ASB5: variants seen among roughly 807,000 people sequenced by gnomAD.
The protein encoded by ASB5 is ankyrin repeat and SOCS box containing 5, also known as ankyrin repeat and SOCS box protein 5.
In ASB5, 45 loss-of-function variants were observed where a neutral mutation model predicts 42.1. The ratio of observed to expected loss-of-function variants is 1.07; its 90% CI spans 0.84 to 1.37. ASB5 has a LOEUF of 1.37. ASB5 is among the 40% of genes most tolerant of loss of function. The pLI is 0.00. For synonymous variants in ASB5, 147 were observed against 150.6 expected (o/e 0.98, Z 0.18); for missense variants, 402 against 399.8 (o/e 1.01, Z -0.05).
At chr4:176,241,718 T>A in intron 1 of ASB5, 1 of 1,241,028 alleles carries the variant, frequency 8.1e-7, no homozygotes, top group Non-Finnish European at 1.0e-6. Context: ...CATAAGCATC[T>A]TGGAAAAAAA....
intron 1 of ASB5, among the ~76,000 whole-genome samples, chr4:176,232,719 G>A (rs1753581002): frequency 6.6e-6 from 1 of 152,154 alleles, no homozygotes; most frequent in South Asian, 2.1e-4. Context: ...GGTTTCAAGG[G>A]AAATAATGTC....
intron 5 of ASB5, among the ~76,000 whole-genome samples, chr4:176,218,170 T>C (rs1251922792): frequency 3.2e-5 from 3 of 92,702 alleles, no homozygotes; most frequent in African/African-American, 1.0e-4. Context: ...ATTTGTATGA[T>C]ATATAAATAT....
intron 5 of ASB5, among the ~76,000 whole-genome samples, chr4:176,220,745 G>A (rs1403875127): frequency 3.3e-5 from 5 of 152,180 alleles, no homozygotes; most frequent in Admixed American, 2.0e-4. Context: ...AGCAGAAGAC[G>A]AGGTTGTCCA....
chr4:176,272,528 A>T (rs1754487682), upstream of ASB5, among the ~76,000 whole-genome samples: 1 of 152,148 alleles, frequency 6.6e-6, no homozygotes, highest in Non-Finnish European at 1.5e-5. Flanking sequence ...TCACCTTTTT[A>T]GGAACTGCCT....
intron 1 of ASB5, among the ~76,000 whole-genome samples, chr4:176,258,453 A>C (rs1043358629): frequency 2.6e-5 from 4 of 152,198 alleles, no homozygotes; most frequent in Admixed American, 2.6e-4. Context: ...TATCCAAAGC[A>C]GTGTTTTTCC....
Position 176,269,083 on chromosome 4 carries a change from G to T in ASB5, c.26C>A (p.Pro9Gln). Residue 9 changes from proline to glutamine, a missense_variant, in exon 1 of 7, where the codon CCG (proline) becomes CAG (glutamine). Transcript: ENST00000296525. MSVLEENRPFAQQLSNVYF... is the reference protein window; with the variant it reads MSVLEENRQFAQQLSNVYF... ...GACATTGGATAATTGTTGAGCAAAC[G>T]GCCGATTTTCTTCTAACACCGACAT... 1.2e-6 allele frequency: 2 copies of T among 1,609,900 alleles called. No homozygotes were observed. Among genetic ancestry groups the T allele is most frequent in the South Asian group, 1.1e-5 (1 of 90,490 alleles).
chr4:176,229,295 C>T (rs141403262), intron 1 of ASB5, among the ~76,000 whole-genome samples: 13 of 152,228 alleles, frequency 8.5e-5, no homozygotes, highest in South Asian at 2.1e-4. Context: ...GGCCTAGAGA[C>T]GTGGCCTTTG....
intron 1 of ASB5, among the ~76,000 whole-genome samples, chr4:176,229,397 A>G (rs960438889): frequency 1.3e-5 from 2 of 152,142 alleles, no homozygotes; most frequent in African/African-American, 4.8e-5. Flanking sequence ...AGGGTACTTG[A>G]TATTCCTTCC....
In ASB5 at chr4:176,215,354, A is replaced by C; in HGVS notation, c.*246T>G. 1 of 271,460 alleles carries C rather than the reference A, an allele frequency of 3.7e-6. No homozygotes were observed. Among genetic ancestry groups the C allele is most frequent in the Non-Finnish European group, 6.7e-6 (1 of 148,666 alleles). 16.8% of individuals were successfully genotyped at this position (271,460 alleles called of 1,614,324 possible). A position where few individuals can be genotyped will look rare whatever the true frequency, so the allele number is the denominator to read the frequency against. On this transcript the variant is annotated 3_prime_UTR_variant, in exon 7 of 7. Transcript: ENST00000296525. ...TAGTGACTTTATTATTTTTTCCTGAATAAACAGGAGGGTATATTGAAATAA... is the reference window on the plus strand; with the variant it reads ...TAGTGACTTTATTATTTTTTCCTGACTAAACAGGAGGGTATATTGAAATAA...
intron 1 of ASB5, among the ~76,000 whole-genome samples, chr4:176,276,305 C>T (rs1055665462): frequency 2.0e-5 from 3 of 152,170 alleles, no homozygotes; most frequent in East Asian, 1.9e-4. Context: ...GCATGCCAGG[C>T]ACTGAAATTT....
chr4:176,273,517 T>C (rs1462223336), upstream of ASB5, among the ~76,000 whole-genome samples: 1 of 152,242 alleles, frequency 6.6e-6, no homozygotes, highest in African/African-American at 2.4e-5. Context: ...CTTGCCATAC[T>C]ACCAGTATGA....
chr4:176,239,706 G>A (rs1343627496), intron 1 of ASB5, among the ~76,000 whole-genome samples: 1 of 152,108 alleles, frequency 6.6e-6, no homozygotes, highest in Non-Finnish European at 1.5e-5. Context: ...AAGGCTTTCT[G>A]TAGTCCTCGA....
chr4:176,219,024 AATATATATTTGTATGATATATAAAT>A (rs1386342657), intron 5 of ASB5, among the ~76,000 whole-genome samples: 1,010 of 24,124 alleles, frequency 0.042, 57 homozygotes, highest in Non-Finnish European at 0.049. Flanking sequence ...ATGATATATA[AATATATATTTGTATGATATATAAAT>A]ATATATATTT....
intron 1 of ASB5, among the ~76,000 whole-genome samples, chr4:176,244,166 G>A (rs1025677474): frequency 6.6e-6 from 1 of 151,922 alleles, no homozygotes; most frequent in Non-Finnish European, 1.5e-5. Flanking sequence ...CTTCTACTCT[G>A]AATGGTATAT....
At chr4:176,248,673 A>C (rs1214172786) in intron 1 of ASB5, among the ~76,000 whole-genome samples, 1 of 152,242 alleles carries the variant, frequency 6.6e-6, no homozygotes, top group Admixed American at 6.5e-5. Flanking sequence ...GAATGAACCT[A>C]GATATATGTA....
chr4:176,225,248 A>G lies in ASB5; in HGVS notation c.276+14T>C, dbSNP rs1753341856. On this transcript the variant is annotated intron_variant, in intron 2 of 6. Coordinates refer to ENST00000296525, the MANE Select transcript of ASB5 (RefSeq NM_080874.4). The stretch of plus-strand genomic sequence containing the variant: ...GGAAAGGGGGTATATTTTAAACTAT[A>G]TGTAATATATTACCTGTGATAATAA... 1 of 1,596,228 alleles carries G rather than the reference A, an allele frequency of 6.3e-7. No homozygotes were observed. Among genetic ancestry groups the G allele is most frequent in the Non-Finnish European group, 8.6e-7 (1 of 1,164,042 alleles).
chr4:176,262,186 T>C (rs1418531428), intron 1 of ASB5, among the ~76,000 whole-genome samples: 1 of 152,182 alleles, frequency 6.6e-6, no homozygotes, highest in Non-Finnish European at 1.5e-5. Context: ...TTTCTATCTT[T>C]ACTATGTAAA....
chr4:176,232,564 T>G (rs1195740056), intron 1 of ASB5, among the ~76,000 whole-genome samples: 1 of 152,166 alleles, frequency 6.6e-6, no homozygotes, highest in East Asian at 1.9e-4. Context: ...GCCCCCAAAG[T>G]GTATACAGTA....
intron 1 of ASB5, among the ~76,000 whole-genome samples, chr4:176,261,240 G>A (rs1754263186): frequency 6.6e-6 from 1 of 152,134 alleles, no homozygotes; most frequent in South Asian, 2.1e-4. Flanking sequence ...CAGTGTTGGG[G>A]AGGTATTCCA....
Sources: allele counts gnomAD v4.1 joint callset (sites outside exome capture counted in the v4.1 genomes callset), GRCh38; gene constraint gnomAD v4.1.1; transcripts MANE v1.5; gene names NCBI Gene and HGNC (gene_info 2026-07-23, HGNC 2026-07-21).